TNS1: variants seen among roughly 807,000 people sequenced by gnomAD.
The protein encoded by TNS1 is tensin-1.
In TNS1, 62 loss-of-function variants were observed where a neutral mutation model predicts 168.6. The ratio of observed to expected loss-of-function variants is 0.37; its 90% confidence interval spans 0.30 to 0.45. The LOEUF (loss-of-function observed/expected upper bound fraction) is 0.45. TNS1 is among the 20% of genes least tolerant of loss of function. The pLI, the probability that TNS1 is intolerant of heterozygous loss-of-function variation, is 1.00. For missense variants in TNS1, 2,240 were observed against 2,339.4 expected (o/e 0.96, Z 0.88); for synonymous variants, 934 against 933.2 (o/e 1.00, Z -0.02).
intron 3 of TNS1, among the ~76,000 whole-genome samples, chr2:217,939,757 G>C (rs1046879452): frequency 1.3e-5 from 2 of 152,208 alleles, no homozygotes; most frequent in Non-Finnish European, 2.9e-5. Context: ...GGACTGCAGA[G>C]CCCAGACTAG....
Position 217,845,396 on chromosome 2 carries a change from T to C in TNS1, c.3007+2114A>G, listed in dbSNP as rs141366573. On this transcript the variant is annotated intron_variant, in intron 19 of 32. Coordinates refer to ENST00000682258, the MANE Select transcript of TNS1 (RefSeq NM_001387777.1). ...CTTTTCCACACATTGATCTTGTCTG[T>C]CTGCCTTTATCTACACAGGCACTGC... Among the ~76,000 whole-genome samples, 7 of 151,828 alleles carry C rather than the reference T, an allele frequency of 4.6e-5. No individual in the cohort carries two copies. The East Asian group carries it at 1.2e-3, about 25-fold the overall frequency.
intron 2 of TNS1, among the ~76,000 whole-genome samples, chr2:217,988,008 G>A (rs1449559826): frequency 6.6e-6 from 1 of 152,178 alleles, no homozygotes; most frequent in African/African-American, 2.4e-5. Context: ...TCCCAGGCCT[G>A]GAGATCCCAG....
At chr2:217,885,713 G>A (rs763709530) in intron 15 of TNS1, 31 bp downstream of exon 15, 8 of 1,562,462 alleles carry the variant, frequency 5.1e-6, no homozygotes, top group Admixed American at 1.8e-5. Context: ...AATAAACAAG[G>A]ATGGGGCTTG....
intron 1 of TNS1, among the ~76,000 whole-genome samples, chr2:218,025,369 C>T (rs1357291423): frequency 6.6e-6 from 1 of 152,186 alleles, no homozygotes; most frequent in Non-Finnish European, 1.5e-5. Context: ...CTGCCTCAGC[C>T]TCCCGAGTTG....
chr2:217,855,093 C>T (rs1261316087), intron 18 of TNS1, among the ~76,000 whole-genome samples: 1 of 152,168 alleles, frequency 6.6e-6, no homozygotes, highest in Admixed American at 6.5e-5. Flanking sequence ...CTCTCCATCC[C>T]CTGCTTTACA....
chr2:218,007,515 T>G (rs1958669228), upstream of TNS1, among the ~76,000 whole-genome samples: 1 of 126,650 alleles, frequency 7.9e-6, no homozygotes, highest in Non-Finnish European at 1.6e-5. Context: ...TGTGGTGACA[T>G]GTTAACTGTT....
chr2:217,980,479 T>C (rs1457406867), intron 2 of TNS1, among the ~76,000 whole-genome samples: 1 of 148,510 alleles, frequency 6.7e-6, no homozygotes, highest in African/African-American at 2.5e-5. Flanking sequence ...CAGGGGGACC[T>C]GCCTCTCTCT....
chr2:217,975,123 T>A (rs1284268240), intron 3 of TNS1, among the ~76,000 whole-genome samples: 2 of 151,766 alleles, frequency 1.3e-5, no homozygotes, highest in African/African-American at 4.8e-5. Context: ...TATGGAGAGG[T>A]CCGTGTGGTG....
At chr2:217,920,326 C>T in intron 3 of TNS1, 90 bp from the exon 4 acceptor site, 3 of 697,756 alleles carry the variant, frequency 4.3e-6, no homozygotes, top group Admixed American at 2.0e-5. Flanking sequence ...CCTCCCCCTG[C>T]TTCATTCCCT....
chr2:217,817,449 T>C lies in TNS1; in HGVS notation c.4642+241A>G, dbSNP rs917380997. Among the ~76,000 whole-genome samples, 3 of 152,218 alleles carry C rather than the reference T, an allele frequency of 2.0e-5. No individual in the cohort carries two copies. The East Asian group carries it at 5.8e-4, about 29-fold the overall frequency. On this transcript the variant is annotated intron_variant, in intron 24 of 32. Transcript: ENST00000682258. ...ATCATAACAGTAATACTATTCATTATGATTTTTATCATCCTCATCTGTATC... is the reference window on the plus strand; with the variant it reads ...ATCATAACAGTAATACTATTCATTACGATTTTTATCATCCTCATCTGTATC...
At chr2:217,999,815 C>T (rs1379481892) in intron 1 of TNS1, among the ~76,000 whole-genome samples, 3 of 152,264 alleles carry the variant, frequency 2.0e-5, no homozygotes, top group African/African-American at 4.8e-5. Context: ...AATACATCAT[C>T]GTCTGCAGCT....
chr2:217,865,798 T>C (rs1574872048), intron 18 of TNS1, among the ~76,000 whole-genome samples: 2 of 152,208 alleles, frequency 1.3e-5, no homozygotes, highest in African/African-American at 4.8e-5. Context: ...GATAGTCTTG[T>C]GAGTGTAAAT....
chr2:217,805,547 C>CACACACACACCACCACATACAT (rs1938622613), intron 32 of TNS1, among the ~76,000 whole-genome samples: 1 of 29,652 alleles, frequency 3.4e-5, no homozygotes, highest in African/African-American at 1.1e-4. Flanking sequence ...CACACACCAC[C>CACACACACACCACCACATACAT]ACACACCACA....
intron 3 of TNS1, among the ~76,000 whole-genome samples, chr2:217,936,776 C>T (rs781144834): frequency 4.6e-5 from 7 of 152,290 alleles, no homozygotes; most frequent in South Asian, 2.1e-4. Flanking sequence ...CCACACATGC[C>T]ATTTTAAGCC....
rs373110252 is a variant in TNS1 at position 218,030,877 on chromosome 2, CTG to C, written c.156+2941_156+2942del. Among the ~76,000 whole-genome samples the C allele has an allele frequency of 4.0e-5, 6 of 151,884 alleles. No individual in the cohort carries two copies. In the South Asian group the frequency reaches 1.0e-3, roughly 26 times the overall value. On this transcript the variant is annotated intron_variant, in intron 1 of 1. Transcript: ENST00000649572. ...TGTGTGTGTCAGTGTGTGTGTGAGA[CTG>C]TGTGTAAGCGTGTGTGTATGCATGT...
chr2:218,005,533 C>A (rs139172817), upstream of TNS1, among the ~76,000 whole-genome samples: 5 of 152,194 alleles, frequency 3.3e-5, no homozygotes, highest in African/African-American at 4.8e-5. Flanking sequence ...TAAACTCTGC[C>A]GACTGAGGTG....
intron 18 of TNS1, among the ~76,000 whole-genome samples, chr2:217,870,734 G>T (rs1024667327): frequency 3.3e-5 from 5 of 152,222 alleles, no homozygotes; most frequent in Admixed American, 3.3e-4. Flanking sequence ...ACATTCACTC[G>T]GGAGGGTATT....
At chr2:217,856,788 G>A (rs1948190249) in intron 18 of TNS1, among the ~76,000 whole-genome samples, 1 of 152,210 alleles carries the variant, frequency 6.6e-6, no homozygotes, top group Non-Finnish European at 1.5e-5. Context: ...CAGTCCATGA[G>A]TGACAAATAG....
intron 1 of TNS1, among the ~76,000 whole-genome samples, chr2:217,993,816 G>GA (rs1210324306): frequency 1.3e-5 from 2 of 152,188 alleles, no homozygotes; most frequent in African/African-American, 4.8e-5. Context: ...AGTCCTTGTA[G>GA]AAAAATCAGG....
Sources: gnomAD v4.1 joint callset for allele counts (sites outside exome capture counted in the v4.1 genomes callset) on GRCh38, gnomAD v4.1.1 for gene constraint, MANE v1.5 for transcripts, NCBI Gene and HGNC (gene_info 2026-07-23, HGNC 2026-07-21) for gene names.